MGAT4C: variants seen among roughly 807,000 people sequenced by gnomAD.
MGAT4C encodes alpha-1,3-mannosyl-glycoprotein 4-beta-N-acetylglucosaminyltransferase C.
MGAT4C carries 19 observed loss-of-function variants against 40.1 expected under a neutral mutation model. The observed-to-expected ratio is 0.47, with a 90% CI of 0.33 to 0.70. The LOEUF (loss-of-function observed/expected upper bound fraction) is 0.70, where lower values mean the gene tolerates loss of function less well. MGAT4C is among the 30% of genes least tolerant of loss of function. The pLI, the probability that MGAT4C is intolerant of heterozygous loss-of-function variation, is 0.02. For synonymous variants in MGAT4C, 181 were observed against 187.1 expected (o/e 0.97, Z 0.27); for missense variants, 491 against 563.2 (o/e 0.87, Z 1.30).
chr12:86,456,755 T>A (rs1164613684), intron 2 of MGAT4C, among the ~76,000 whole-genome samples: 1 of 152,030 alleles, frequency 6.6e-6, no homozygotes, highest in East Asian at 1.9e-4. Flanking sequence ...GTAGGAAACT[T>A]GAGAAAATTA....
At chr12:86,158,680 A>T (rs910301530) in intron 1 of MGAT4C, among the ~76,000 whole-genome samples, 1 of 152,188 alleles carries the variant, frequency 6.6e-6, no homozygotes, top group Non-Finnish European at 1.5e-5. Context: ...GGTCATATGT[A>T]AGTTACACCA....
At chr12:86,736,915 G>A (rs952741012) in intron 1 of MGAT4C, among the ~76,000 whole-genome samples, 2 of 150,330 alleles carry the variant, frequency 1.3e-5, no homozygotes, top group Non-Finnish European at 3.0e-5. Flanking sequence ...TCCTTCTCGT[G>A]GGCATTGCTC....
intron 1 of MGAT4C, among the ~76,000 whole-genome samples, chr12:86,744,318 G>T (rs1357513142): frequency 2.6e-5 from 4 of 151,536 alleles, no homozygotes; most frequent in African/African-American, 9.7e-5. Context: ...AAAAAAATAT[G>T]ATTGACAAAG....
At chr12:86,771,372 G>T (rs945319755) in intron 1 of MGAT4C, among the ~76,000 whole-genome samples, 12 of 152,048 alleles carry the variant, frequency 7.9e-5, no homozygotes, top group African/African-American at 2.9e-4. Flanking sequence ...CTTTGGAATT[G>T]GGTTTTATGT....
chr12:86,727,526 A>C (rs1383242913), intron 1 of MGAT4C, among the ~76,000 whole-genome samples: 3 of 152,086 alleles, frequency 2.0e-5, no homozygotes, highest in Non-Finnish European at 2.9e-5. Flanking sequence ...ATATTGCTAG[A>C]GAGGATCGAA....
intron 2 of MGAT4C, among the ~76,000 whole-genome samples, chr12:86,699,168 G>A (rs562098779): frequency 6.6e-6 from 1 of 152,096 alleles, no homozygotes; most frequent in African/African-American, 2.4e-5. Context: ...ATACATCCAA[G>A]GGACTTATTT....
At chr12:86,803,870 G>C (rs1270714182) in intron 1 of MGAT4C, among the ~76,000 whole-genome samples, 1 of 150,832 alleles carries the variant, frequency 6.6e-6, no homozygotes, top group Non-Finnish European at 1.5e-5. Context: ...ATTCCTCAGG[G>C]ATCTAGAACT....
chr12:86,625,335 G>T (rs1011429503), intron 2 of MGAT4C, among the ~76,000 whole-genome samples: 6 of 151,898 alleles, frequency 4.0e-5, no homozygotes, highest in Non-Finnish European at 5.9e-5. Context: ...GTGTGACAAT[G>T]GACTAATACA....
At chr12:86,338,958 C>CAAAAAA (rs67462771) in intron 3 of MGAT4C, among the ~76,000 whole-genome samples, 32 of 66,090 alleles carry the variant, frequency 4.8e-4, no homozygotes, top group East Asian at 9.3e-4. Flanking sequence ...GACTCCATCT[C>CAAAAAA]AAAAAAAAAA....
chr12:86,556,443 C>T lies in MGAT4C; in HGVS notation c.-228-121178G>A, dbSNP rs187186436. Among the ~76,000 whole-genome samples, 352 of 152,162 alleles carry T rather than the reference C, an allele frequency of 2.3e-3. 1 individual carries two copies. The highest frequency in any genetic ancestry group is 4.3e-3 in the Non-Finnish European group (295 of 67,982). Reference sequence around the variant, plus strand: ...TGTTACCTGATCTTTTACATTTTTGCTCTACCAAAAGAGCTGCAGCAAACA... The same window carrying T: ...TGTTACCTGATCTTTTACATTTTTGTTCTACCAAAAGAGCTGCAGCAAACA... On this transcript the variant is annotated intron_variant, in intron 2 of 7. Coordinates refer to the MGAT4C transcript ENST00000548651.
At chr12:86,192,022 C>T (rs1429466387) in intron 1 of MGAT4C, among the ~76,000 whole-genome samples, 4 of 140,122 alleles carry the variant, frequency 2.9e-5, no homozygotes, top group African/African-American at 8.0e-5. Context: ...CATGTTCTCA[C>T]TCATAGGTGG....
At chr12:86,431,082 T>C (rs944566423) in intron 3 of MGAT4C, among the ~76,000 whole-genome samples, 15 of 152,166 alleles carry the variant, frequency 9.9e-5, no homozygotes, top group Non-Finnish European at 1.3e-4. Flanking sequence ...GCAGAATTGT[T>C]GGGGTGGGTC....
chr12:86,306,590 G>T (rs1953939467), intron 4 of MGAT4C, among the ~76,000 whole-genome samples: 1 of 150,410 alleles, frequency 6.6e-6, no homozygotes, highest in Non-Finnish European at 1.5e-5. Context: ...CCTTTGTGAT[G>T]ATAAAGCATG....
At chr12:86,773,993 A>T (rs1274479346) in intron 1 of MGAT4C, among the ~76,000 whole-genome samples, 1 of 107,640 alleles carries the variant, frequency 9.3e-6, no homozygotes, top group African/African-American at 3.9e-5. Context: ...TCACTTTGTC[A>T]CCCAGGCTGG....
In MGAT4C at chr12:86,496,765, C is replaced by G. The variant is rs561932293; in HGVS notation, c.-228-61500G>C. 9.9e-5 allele frequency among the ~76,000 whole-genome samples: 15 copies of G among 152,052 alleles called. No individual in the cohort carries two copies. In the South Asian group the frequency reaches 2.7e-3, roughly 27 times the overall value. ...ATAATTGGCTCAGTGTAATTGAGCT[C>G]ACCATTCAGCCTTTTATAAAACGTT... On this transcript the variant is annotated intron_variant, in intron 2 of 7. Transcript: ENST00000548651.
intron 1 of MGAT4C, among the ~76,000 whole-genome samples, chr12:86,188,389 T>G (rs1456041689): frequency 6.6e-6 from 1 of 151,644 alleles, no homozygotes; most frequent in Non-Finnish European, 1.5e-5. Context: ...GGCAGCAGAG[T>G]GTAACATATG....
intron 1 of MGAT4C, among the ~76,000 whole-genome samples, chr12:86,784,202 C>T (rs1951893350): frequency 2.0e-5 from 3 of 152,120 alleles, no homozygotes; most frequent in Middle Eastern, 3.4e-3. Context: ...AACTATTCTT[C>T]CACCCAAAGA....
chr12:86,272,963 A>G (rs1297673360), intron 4 of MGAT4C, among the ~76,000 whole-genome samples: 1 of 152,176 alleles, frequency 6.6e-6, no homozygotes, highest in Non-Finnish European at 1.5e-5. Flanking sequence ...TACATCATAA[A>G]CAGCAACATA....
intron 1 of MGAT4C, among the ~76,000 whole-genome samples, chr12:86,782,569 A>T (rs994553282): frequency 3.3e-5 from 5 of 152,118 alleles, no homozygotes; most frequent in Non-Finnish European, 5.9e-5. Context: ...AGTGTAAATG[A>T]GTTTTTTAAA....
Sources: gnomAD v4.1 joint callset for allele counts (sites outside exome capture counted in the v4.1 genomes callset) on GRCh38, gnomAD v4.1.1 for gene constraint, MANE v1.5 for transcripts, NCBI Gene and HGNC (gene_info 2026-07-23, HGNC 2026-07-21) for gene names.